Variants in SDK1 observed in about 807,000 individuals in gnomAD.
SDK1 encodes the protein sidekick cell adhesion molecule 1, also known as protein sidekick-1.
SDK1 carries 157 observed loss-of-function variants against 245.5 expected under a neutral mutation model. The ratio of observed to expected loss-of-function variants is 0.64; its 90% CI spans 0.56 to 0.73. The LOEUF is 0.73. Ranked by LOEUF, SDK1 falls within the 30% of genes least tolerant of loss-of-function variation. The probability of loss-of-function intolerance (pLI) is 0.00; values close to 1 mark genes in which losing one functional copy is unlikely to be tolerated. For synonymous variants in SDK1, 1,647 were observed against 1,278.5 expected (o/e 1.29, Z -6.15); for missense variants, 3,583 against 3,002.3 (o/e 1.19, Z -4.52).
rs192476314 is a variant in SDK1, at chr7:4,094,558, G to A, written c.3324+14974G>A. ...CTGCCTTCAGTGAGTAGGAAAGAGA[G>A]ACTCAGGAAAGAAGCAAGATACCAA... On this transcript the variant is annotated intron_variant, in intron 22 of 44. Transcript: ENST00000404826. Among the ~76,000 whole-genome samples, 3 of 152,366 alleles carry A rather than the reference G, an allele frequency of 2.0e-5. No homozygotes were observed. In the East Asian group the frequency reaches 5.8e-4, roughly 29 times the overall value.
intron 34 of SDK1, among the ~76,000 whole-genome samples, chr7:4,177,204 C>T (rs1027262893): frequency 2.6e-5 from 4 of 152,196 alleles, no homozygotes; most frequent in Admixed American, 2.0e-4. Flanking sequence ...GCCTGAGTCA[C>T]GGAAGCTTTG....
At chr7:3,653,162 A>G (rs891466172) in intron 4 of SDK1, among the ~76,000 whole-genome samples, 1 of 152,148 alleles carries the variant, frequency 6.6e-6, no homozygotes, top group Non-Finnish European at 1.5e-5. Flanking sequence ...GTGCAGGTGG[A>G]TCAGCAGACA....
chr7:3,700,820 C>T (rs917767238), intron 4 of SDK1, among the ~76,000 whole-genome samples: 2 of 152,168 alleles, frequency 1.3e-5, no homozygotes, highest in Non-Finnish European at 2.9e-5. Context: ...TTCCAGATGA[C>T]CCCAAATACC....
intron 34 of SDK1, among the ~76,000 whole-genome samples, chr7:4,178,222 A>G (rs1288947942): frequency 2.0e-5 from 3 of 152,186 alleles, no homozygotes; most frequent in Admixed American, 1.3e-4. Flanking sequence ...TTTACTTTAG[A>G]GGAGGGAGCT....
At chr7:3,539,408 A>G (rs891772403) in intron 1 of SDK1, among the ~76,000 whole-genome samples, 4 of 152,154 alleles carry the variant, frequency 2.6e-5, no homozygotes, top group African/African-American at 7.2e-5. Flanking sequence ...TTAATGGGAA[A>G]AGGAGAGAGG....
intron 1 of SDK1, among the ~76,000 whole-genome samples, chr7:3,397,838 A>G (rs1197278883): frequency 1.3e-5 from 2 of 151,890 alleles, no homozygotes; most frequent in African/African-American, 2.4e-5. Flanking sequence ...ACTTTTTTCC[A>G]TTAGAGCTTT....
intron 1 of SDK1, among the ~76,000 whole-genome samples, chr7:3,461,675 C>T (rs1011227895): frequency 6.6e-6 from 1 of 152,048 alleles, no homozygotes; most frequent in Non-Finnish European, 1.5e-5. Flanking sequence ...TCTCTCATTC[C>T]CATCTTTTCA....
At chr7:3,605,763 A>AT (rs1388739018) in intron 1 of SDK1, among the ~76,000 whole-genome samples, 1 of 152,162 alleles carries the variant, frequency 6.6e-6, no homozygotes, top group Non-Finnish European at 1.5e-5. Flanking sequence ...GCAAATCTTT[A>AT]TTTTAGATAA....
intron 1 of SDK1, among the ~76,000 whole-genome samples, chr7:3,377,886 C>A (rs936940966): frequency 6.6e-6 from 1 of 152,148 alleles, no homozygotes; most frequent in South Asian, 2.1e-4. Context: ...TCAAGCAATT[C>A]TCCTGCGTCA....
intron 5 of SDK1, among the ~76,000 whole-genome samples, chr7:3,863,392 G>A (rs1780744244): frequency 6.6e-6 from 1 of 152,080 alleles, no homozygotes; most frequent in Non-Finnish European, 1.5e-5. Flanking sequence ...TGCCTGGCTG[G>A]CCCATTTTAT....
chr7:3,950,867 CG>C (rs971891916), intron 5 of SDK1, 55 bp from the exon 6 acceptor site: 48 of 1,330,028 alleles, frequency 3.6e-5, no homozygotes, highest in Non-Finnish European at 4.7e-5. Flanking sequence ...CAGATAACGG[CG>C]GGGGGTGCTC....
chr7:3,575,093 C>G (rs1254876526), intron 1 of SDK1, among the ~76,000 whole-genome samples: 1 of 152,090 alleles, frequency 6.6e-6, no homozygotes, highest in African/African-American at 2.4e-5. Context: ...AAGTTGACAT[C>G]TGCCACCTGA....
chr7:3,646,657 T>C (rs1452581556), intron 4 of SDK1, among the ~76,000 whole-genome samples: 3 of 152,208 alleles, frequency 2.0e-5, no homozygotes, highest in African/African-American at 7.2e-5. Context: ...TGATAATTTT[T>C]TATGTTTTTG....
chr7:3,416,198 CAA>C (rs1224718577), intron 1 of SDK1, among the ~76,000 whole-genome samples: 1 of 152,014 alleles, frequency 6.6e-6, no homozygotes, highest in Admixed American at 6.6e-5. Flanking sequence ...TATCAAGTGT[CAA>C]ATTACACAGC....
chr7:3,540,794 A>C (rs540863993), intron 1 of SDK1, among the ~76,000 whole-genome samples: 1 of 152,350 alleles, frequency 6.6e-6, no homozygotes, highest in Admixed American at 6.5e-5. Context: ...TTTATGTTGA[A>C]AGCCATCATT....
chr7:3,542,103 A>C (rs556750170), intron 1 of SDK1, among the ~76,000 whole-genome samples: 54 of 152,326 alleles, frequency 3.5e-4, no homozygotes, highest in Middle Eastern at 6.8e-3. Context: ...CATTGATTTA[A>C]AATTTAATTG....
chr7:4,165,507 A>G (rs1022388813), intron 32 of SDK1, among the ~76,000 whole-genome samples: 2 of 151,954 alleles, frequency 1.3e-5, no homozygotes, highest in Admixed American at 6.6e-5. Flanking sequence ...TTTGAAAGCT[A>G]AGGAGTAGAA....
At chr7:3,897,200 C>T (rs1583527288) in intron 5 of SDK1, among the ~76,000 whole-genome samples, 2 of 152,202 alleles carry the variant, frequency 1.3e-5, no homozygotes. Flanking sequence ...CATATCAATA[C>T]ATAACATAAA....
At chr7:3,541,067 C>T (rs1205655858) in intron 1 of SDK1, among the ~76,000 whole-genome samples, 1 of 152,164 alleles carries the variant, frequency 6.6e-6, no homozygotes, top group Non-Finnish European at 1.5e-5. Flanking sequence ...AAACATTTGA[C>T]ACAATCATTT....
Sources: allele counts gnomAD v4.1 joint callset (sites outside exome capture counted in the v4.1 genomes callset), GRCh38; gene constraint gnomAD v4.1.1; transcripts MANE v1.5; gene names NCBI Gene and HGNC (gene_info 2026-07-23, HGNC 2026-07-21).